SCRT2: variants seen among roughly 807,000 people sequenced by gnomAD.
SCRT2 encodes scratch family transcriptional repressor 2.
SCRT2 carries 2 observed loss-of-function variants against 3.7 expected under a neutral mutation model. That is an observed-to-expected ratio of 0.54 (90% confidence interval 0.22 to 1.70). The LOEUF (loss-of-function observed/expected upper bound fraction) is 1.70. Ranked by LOEUF, SCRT2 falls within the 40% of genes most tolerant of loss-of-function variation. SCRT2 has a pLI of 0.19. For synonymous variants in SCRT2, 256 were observed against 220.6 expected, an observed-to-expected ratio of 1.16 and a Z score of -1.42; for missense variants, 456 against 468.5, an observed-to-expected ratio of 0.97 and a Z score of 0.25.
In SCRT2 at chr20:675,378, C is replaced by CA; in HGVS notation, c.133+90dup. 1.8e-6 allele frequency: 2 copies of CA among 1,111,064 alleles called. No homozygotes were observed. Among genetic ancestry groups the CA allele is most frequent in the Non-Finnish European group, 2.3e-6 (2 of 866,684 alleles). The allele number at this position is 1,111,064 out of a possible 1,614,324, so 68.8% of individuals were successfully genotyped here. A position where few individuals can be genotyped will look rare whatever the true frequency, so the allele number is the denominator to read the frequency against. ...ATCTCCTCCCGGGGGTTTCCTGTCG[C>CA]ACGCGCCCCTCCTCGTGGCCCAAGC... On this transcript the variant is annotated intron_variant, in intron 1 of 1. Coordinates refer to ENST00000246104, the MANE Select transcript of SCRT2 (RefSeq NM_033129.4). The surrounding 1 kb of genome is among the most constrained non-coding windows in gnomAD (Gnocchi z 6.9).
chr20:671,448 A>G (rs932461692), intron 1 of SCRT2, among the ~76,000 whole-genome samples: 5 of 152,194 alleles, frequency 3.3e-5, no homozygotes, highest in Non-Finnish European at 7.3e-5. Context: ...GAAGACTCAG[A>G]TGGGTCTGCT....
At position 663,621 on chromosome 20, in the gene SCRT2, C is replaced by A; in HGVS notation, c.*50G>T. On this transcript the variant is annotated 3_prime_UTR_variant, in exon 2 of 2. Coordinates refer to ENST00000246104, the MANE Select transcript of SCRT2 (RefSeq NM_033129.4). This position sits in a 1 kb window ranked among gnomAD's most constrained non-coding sequence, Gnocchi z 6.9. ...GGGCGCTGCGGGCGCAGGTAGGGGG[C>A]CCGGGGCGCGTGGAGAGCGAGTTCC... is the stretch of plus-strand genomic sequence containing the variant. The A allele has an allele frequency of 7.5e-7, 1 of 1,330,398 alleles. No individual in the cohort carries two copies. The highest frequency in any genetic ancestry group is 9.6e-7 in the Non-Finnish European group (1 of 1,046,298). The allele number at this position is 1,330,398 out of a possible 1,614,324, so 82.4% of individuals were successfully genotyped here. A position where few individuals can be genotyped will look rare whatever the true frequency, so the allele number is the denominator to read the frequency against.
At position 663,757 on chromosome 20, in the gene SCRT2, T is replaced by C; in HGVS notation, c.838A>G (p.Lys280Glu). The change falls in exon 2 of 2, where the codon AAG (lysine) becomes GAG (glutamate). Residue 280 changes from lysine to glutamate, a missense_variant. Lys to Glu is a moderately conservative substitution (Grantham distance 56). This residue lies in a region of SCRT2 where 144 missense variants were observed against 141.9 expected (regional missense o/e 1.01). Coordinates refer to ENST00000246104, the MANE Select transcript of SCRT2 (RefSeq NM_033129.4). This position sits in a 1 kb window ranked among gnomAD's most constrained non-coding sequence, Gnocchi z 6.9. ...CRQCDKSFAL[K>E]SYLHKHCEAA... The stretch of plus-strand genomic sequence containing the variant: ...TCGCAGTGCTTGTGGAGGTAGGACT[T>C]GAGCGCGAAGCTCTTGTCGCACTGG... 6.3e-7 allele frequency: 1 copy of C among 1,578,806 alleles called. No homozygotes were observed.
Position 663,921 on chromosome 20 carries a change from C to G in SCRT2, c.674G>C (p.Trp225Ser). The G allele has an allele frequency of 6.2e-7, 1 of 1,607,890 alleles. No homozygotes were observed. Among genetic ancestry groups the G allele is most frequent in the Non-Finnish European group, 8.5e-7 (1 of 1,179,204 alleles). Residue 225 changes from tryptophan to serine, a missense_variant, in exon 2 of 2, where the codon TGG becomes TCG. Trp to Ser is a radical substitution (Grantham distance 177). Coordinates refer to ENST00000246104, the MANE Select transcript of SCRT2 (RefSeq NM_033129.4). This position sits in a 1 kb window ranked among gnomAD's most constrained non-coding sequence, Gnocchi z 6.9. ...GVCGKAFSRPWLLQGHMRSHT... is the reference protein window; with the variant it reads ...GVCGKAFSRPSLLQGHMRSHT... ...CGAGCGCATGTGACCCTGCAGCAGCCAGGGCCGCGAGAAGGCCTTGCCGCA... is the reference window on the plus strand; with the variant it reads ...CGAGCGCATGTGACCCTGCAGCAGCGAGGGCCGCGAGAAGGCCTTGCCGCA...
Position 664,861 on chromosome 20 carries a change from T to C in SCRT2, c.134-400A>G, listed in dbSNP as rs1165489813. Among the ~76,000 whole-genome samples the C allele has an allele frequency of 2.0e-5, 3 of 152,236 alleles. No homozygotes were observed. The highest frequency in any genetic ancestry group is 4.4e-5 in the Non-Finnish European group (3 of 68,036). ...CTTGCCAGTGTGACCCTGAAGCCCATGCTGTCTCTATTCCAACAACATGCT... is the reference window on the plus strand; with the variant it reads ...CTTGCCAGTGTGACCCTGAAGCCCACGCTGTCTCTATTCCAACAACATGCT... On this transcript the variant is annotated intron_variant, in intron 1 of 1. Transcript: ENST00000246104. This position sits in a 1 kb window ranked among gnomAD's most constrained non-coding sequence, Gnocchi z 7.9.
At chr20:669,715 C>T (rs1013792232) in intron 1 of SCRT2, among the ~76,000 whole-genome samples, 2 of 152,248 alleles carry the variant, frequency 1.3e-5, no homozygotes, top group Non-Finnish European at 1.5e-5. Context: ...GAGCAGAAAG[C>T]CAGGTCTGTC....
rs760675654 is a variant in SCRT2, at chr20:664,101, G to A, written c.494C>T (p.Ala165Val). The change falls in exon 2 of 2, where the codon GCC (alanine) becomes GTC (valine). Residue 165 changes from alanine to valine, a missense_variant. Coordinates refer to ENST00000246104, the MANE Select transcript of SCRT2 (RefSeq NM_033129.4). The surrounding 1 kb of genome is among the most constrained non-coding windows in gnomAD (Gnocchi z 7.9). ...GTGGCGGCTCAGGTTCGACGACGTGGCGTAGGTCTTGCCGCACTCGGCGCA... is the reference window on the plus strand; with the variant it reads ...GTGGCGGCTCAGGTTCGACGACGTGACGTAGGTCTTGCCGCACTCGGCGCA... ...HACAECGKTY[A>V]TSSNLSRHKQ... The A allele has an allele frequency of 6.2e-7, 1 of 1,607,194 alleles. No individual in the cohort carries two copies. The highest frequency in any genetic ancestry group is 8.5e-7 in the Non-Finnish European group (1 of 1,178,760).
chr20:672,391 G>A (rs1227173067), intron 1 of SCRT2, among the ~76,000 whole-genome samples: 1 of 6,576 alleles, frequency 1.5e-4, no homozygotes, highest in Non-Finnish European at 3.5e-4. Context: ...CATTGCTCGT[G>A]TGTGTGTGTG....
chr20:670,471 T>A (rs1262299624), intron 1 of SCRT2, among the ~76,000 whole-genome samples: 1 of 152,084 alleles, frequency 6.6e-6, no homozygotes, highest in Non-Finnish European at 1.5e-5. Flanking sequence ...AGGGACCCCA[T>A]CTCTCCCGGC....
rs929464553 is a variant in SCRT2, at chr20:675,654, G to C, written c.-53C>G. The C allele has an allele frequency of 2.5e-6, 3 of 1,216,798 alleles. No individual in the cohort carries two copies. The highest frequency in any genetic ancestry group is 3.1e-6 in the Non-Finnish European group (3 of 962,546). 75.4% of individuals were successfully genotyped at this position (1,216,798 alleles called of 1,614,324 possible). ...GGGAGGCGGCCGGCCGGGCGCGATCGGCTGTGTCCGCGCGGGTTTTCAGCA... is the reference window on the plus strand; with the variant it reads ...GGGAGGCGGCCGGCCGGGCGCGATCCGCTGTGTCCGCGCGGGTTTTCAGCA... On this transcript the variant is annotated 5_prime_UTR_variant, in exon 1 of 2. Transcript: ENST00000246104. The surrounding 1 kb of genome is among the most constrained non-coding windows in gnomAD (Gnocchi z 6.9).
chr20:674,738 T>TGTG (rs1984470771), intron 1 of SCRT2, among the ~76,000 whole-genome samples: 1 of 117,814 alleles, frequency 8.5e-6, no homozygotes, highest in East Asian at 2.4e-4. Context: ...TGTGTATGTG[T>TGTG]AGTGAGGAGG....
chr20:666,383 C>G lies in SCRT2; in HGVS notation c.134-1922G>C, dbSNP rs1329857710. Among the ~76,000 whole-genome samples the G allele has an allele frequency of 6.6e-6, 1 of 152,076 alleles. No individual in the cohort carries two copies. The highest frequency in any genetic ancestry group is 2.4e-5 in the African/African-American group (1 of 41,400). On this transcript the variant is annotated intron_variant, in intron 1 of 1. Transcript: ENST00000246104. The surrounding 1 kb of genome is among the most constrained non-coding windows in gnomAD (Gnocchi z 4.4). ...TAAATACCCGTCAGGCACTCCCAGA[C>G]CCCCCTCCTTCTCCTTCTGTATTTC...
intron 1 of SCRT2, among the ~76,000 whole-genome samples, chr20:669,899 G>A (rs751499078): frequency 2.6e-5 from 4 of 152,196 alleles, no homozygotes; most frequent in Admixed American, 6.5e-5. Context: ...ATCTGCCCAC[G>A]GGGAGGAGGT....
chr20:669,019 G>T (rs1184786855), intron 1 of SCRT2, among the ~76,000 whole-genome samples: 1 of 152,028 alleles, frequency 6.6e-6, no homozygotes, highest in Non-Finnish European at 1.5e-5. Context: ...CAAGGCCTGT[G>T]TTTTTTCCAA....
At position 666,570 on chromosome 20, in the gene SCRT2, T is replaced by C. The variant is rs1984161243; in HGVS notation, c.134-2109A>G. ...AGGAAACTGAGGGACAGTGTGGTGA[T>C]GGCACTTGCTCCAGGGGTGGAGCAA... On this transcript the variant is annotated intron_variant, in intron 1 of 1. Coordinates refer to ENST00000246104, the MANE Select transcript of SCRT2 (RefSeq NM_033129.4). The surrounding 1 kb of genome is among the most constrained non-coding windows in gnomAD (Gnocchi z 4.4). Among the ~76,000 whole-genome samples, 2 of 152,232 alleles carry C rather than the reference T, an allele frequency of 1.3e-5. No individual in the cohort carries two copies. The highest frequency in any genetic ancestry group is 4.8e-5 in the African/African-American group (2 of 41,464).
In SCRT2 at chr20:664,394, G is replaced by A. The variant is rs758986240; in HGVS notation, c.201C>T (p.Ala67=). ...DADQKPGLEL[A]PAEPAYPPAA... ...CCGGCGGGTACGCGGGCTCGGCCGGGGCCAGCTCCAGGCCCGGCTTCTGGT... is the reference window on the plus strand; with the variant it reads ...CCGGCGGGTACGCGGGCTCGGCCGGAGCCAGCTCCAGGCCCGGCTTCTGGT... The change falls in exon 2 of 2, where the codon GCC becomes GCT. Residue 67 remains alanine, a synonymous_variant. Transcript: ENST00000246104. This position sits in a 1 kb window ranked among gnomAD's most constrained non-coding sequence, Gnocchi z 7.9. 3 of 1,403,394 alleles carry A rather than the reference G, an allele frequency of 2.1e-6. No individual in the cohort carries two copies. The South Asian group carries it at 4.5e-5, about 21-fold the overall frequency. 86.9% of individuals were successfully genotyped at this position (1,403,394 alleles called of 1,614,324 possible).
chr20:675,559 A>T lies in SCRT2; in HGVS notation c.43T>A (p.Phe15Ile). ...FLVKKIKGDG[F>I]QCSGVPAPTY... ...GGGGCCGGCACCCCGCTGCACTGGAAGCCGTCCCCTTTGATCTTCTTTACC... is the reference window on the plus strand; with the variant it reads ...GGGGCCGGCACCCCGCTGCACTGGATGCCGTCCCCTTTGATCTTCTTTACC... The change falls in exon 1 of 2, where the codon TTC becomes ATC. Residue 15 changes from phenylalanine (F) to isoleucine (I), a missense_variant. Coordinates refer to ENST00000246104, the MANE Select transcript of SCRT2 (RefSeq NM_033129.4). The surrounding 1 kb of genome is among the most constrained non-coding windows in gnomAD (Gnocchi z 6.9). 2 of 1,380,922 alleles carry T rather than the reference A, an allele frequency of 1.4e-6. No homozygotes were observed. Among genetic ancestry groups the T allele is most frequent in the South Asian group, 3.8e-5 (2 of 53,006 alleles). 85.5% of individuals were successfully genotyped at this position (1,380,922 alleles called of 1,614,324 possible). A position where few individuals can be genotyped will look rare whatever the true frequency, so the allele number is the denominator to read the frequency against.
At position 664,337 on chromosome 20, in the gene SCRT2, G is replaced by C. The variant is rs1984079823; in HGVS notation, c.258C>G (p.Ser86Arg). The C allele has an allele frequency of 2.0e-6, 3 of 1,498,564 alleles. No homozygotes were observed. Among genetic ancestry groups the C allele is most frequent in the Admixed American group, 3.8e-5 (2 of 52,370 alleles). The allele number at this position is 1,498,564 out of a possible 1,614,324, so 92.8% of individuals were successfully genotyped here. The change falls in exon 2 of 2, where the codon AGC becomes AGG. Residue 86 changes from serine (S) to arginine (R), a missense_variant. Ser to Arg is a moderately radical substitution (Grantham distance 110, BLOSUM62 -1). Coordinates refer to ENST00000246104, the MANE Select transcript of SCRT2 (RefSeq NM_033129.4). The surrounding 1 kb of genome is among the most constrained non-coding windows in gnomAD (Gnocchi z 7.9). ...AAPEEYSDPESPQSSLSARYF... is the reference protein window; with the variant it reads ...AAPEEYSDPERPQSSLSARYF... ...AGCGCGCCGACAGGCTCGACTGCGG[G>C]CTTTCGGGGTCGCTGTACTCCTCCG...
Position 663,684 on chromosome 20 carries a change from C to G in SCRT2, c.911G>C (p.Gly304Ala), listed in dbSNP as rs1223920068. Residue 304 changes from glycine (G) to alanine (A), a missense_variant, in exon 2 of 2, where the codon GGC becomes GCC. Gly to Ala is a moderately conservative substitution (Grantham distance 60). Around this residue, in one of 3 missense-constraint regions of SCRT2, gnomAD observed 144 missense variants for 141.9 expected, o/e 1.01. Coordinates refer to ENST00000246104, the MANE Select transcript of SCRT2 (RefSeq NM_033129.4). The surrounding 1 kb of genome is among the most constrained non-coding windows in gnomAD (Gnocchi z 6.9). ...AAEPPPPTPA[G>A]PAS ...GAGGCGGAAGGCTCAGCTGGCCGGG[C>G]CGGCGGGGGTCGGCGGGGGTGGCTC... is the stretch of plus-strand genomic sequence containing the variant. 6.6e-7 allele frequency: 1 copy of G among 1,506,792 alleles called. No homozygotes were observed. Among genetic ancestry groups the G allele is most frequent in the South Asian group, 1.2e-5 (1 of 81,360 alleles). 93.3% of individuals were successfully genotyped at this position (1,506,792 alleles called of 1,614,324 possible).
Sources: gnomAD v4.1 joint callset for allele counts (sites outside exome capture counted in the v4.1 genomes callset) on GRCh38, gnomAD v4.1.1 for gene constraint, gnomAD v4.1.1 regional missense constraint, Gnocchi (gnomAD v3.1) non-coding constraint, MANE v1.5 for transcripts, NCBI Gene and HGNC (gene_info 2026-07-23, HGNC 2026-07-21) for gene names.